The following PSG2 variants were observed in gnomAD, a reference collection of about 807,000 sequenced individuals.
PSG2 encodes pregnancy specific beta-1-glycoprotein 2, also known as pregnancy-specific beta-1-glycoprotein 2.
In PSG2, 49 loss-of-function variants were observed where a neutral mutation model predicts 36.2. The observed-to-expected ratio is 1.35, with a 90% CI of 1.08 to 1.72. The LOEUF (loss-of-function observed/expected upper bound fraction) is 1.72, where lower values mean the gene tolerates loss of function less well. Among genes scored for constraint, PSG2 ranks in the 40% most tolerant of loss-of-function variants. The pLI is 0.00. For missense variants in PSG2, 605 were observed against 407.2 expected (o/e 1.49, Z -4.18); for synonymous variants, 261 against 155.6 (o/e 1.68, Z -5.04).
In PSG2 at chr19:43,072,475, T is replaced by C. The variant is rs533467347; in HGVS notation, c.710-521A>G. ...GAATGAGGATCCTGTTTTCAATGGG[T>C]CGCTTTACCCTGGGACTGACCGGGA... is the stretch of plus-strand genomic sequence containing the variant. On this transcript the variant is annotated intron_variant, in intron 3 of 5. Coordinates refer to ENST00000406487, the MANE Select transcript of PSG2 (RefSeq NM_031246.4). The C allele has an allele frequency of 8.3e-5, 134 of 1,611,428 alleles. 2 individuals carry two copies. In the East Asian group the frequency reaches 2.7e-3, roughly 33 times the overall value.
At chr19:43,065,950 G>A (rs1967733634) in intron 5 of PSG2, 2 of 153,884 alleles carry the variant, frequency 1.3e-5, no homozygotes, top group African/African-American at 4.9e-5. Context: ...GAAGGGGCAG[G>A]GATGTGTAGG....
intron 4 of PSG2, among the ~76,000 whole-genome samples, chr19:43,068,986 T>G (rs1021341929): frequency 6.6e-5 from 10 of 151,720 alleles, no homozygotes; most frequent in Admixed American, 4.6e-4. Context: ...AACAAACCTA[T>G]TAGAATTAAT....
intron 3 of PSG2, 90 bp from the exon 4 acceptor site, chr19:43,072,044 A>G: frequency 6.6e-7 from 1 of 1,515,040 alleles, no homozygotes; most frequent in East Asian, 2.3e-5. Flanking sequence ...ACCCTCTGAG[A>G]CAAGACACAT....
At position 43,080,265 on chromosome 19, in the gene PSG2, G is replaced by A. The variant is rs927291969; in HGVS notation, c.430+616C>T. Among the ~76,000 whole-genome samples, 8 of 151,774 alleles carry A rather than the reference G, an allele frequency of 5.3e-5. 1 individual carries two copies. The highest frequency in any genetic ancestry group is 1.9e-4 in the African/African-American group (8 of 41,194). Reference sequence around the variant, plus strand: ...GATGGTCTTCAAAGATTGTCTTTCTGTCCTCTCCACTCTGCCTCTCCTGTT... The same window carrying A: ...GATGGTCTTCAAAGATTGTCTTTCTATCCTCTCCACTCTGCCTCTCCTGTT... On this transcript the variant is annotated intron_variant, in intron 2 of 5. Transcript: ENST00000406487.
At chr19:43,081,495 G>C (rs921439413) in intron 1 of PSG2, among the ~76,000 whole-genome samples, 3 of 151,296 alleles carry the variant, frequency 2.0e-5, no homozygotes, top group Admixed American at 6.6e-5. Flanking sequence ...TTCACCACTT[G>C]TGACCTTGGC....
rs756529029 is a variant in PSG2 at position 43,080,976 on chromosome 19, A to T, written c.335T>A (p.Val112Asp). The T allele has an allele frequency of 1.2e-6, 2 of 1,613,052 alleles. No individual in the cohort carries two copies. Among genetic ancestry groups the T allele is most frequent in the Admixed American group, 3.3e-5 (2 of 59,954 alleles). Reference sequence around the variant, plus strand: ...GTAGGATCCTGCGTCCTCCCGGGTGACATTCTGGATCAGCAGGGATGCATT... The same window carrying T: ...GTAGGATCCTGCGTCCTCCCGGGTGTCATTCTGGATCAGCAGGGATGCATT... ...YSNASLLIQN[V>D]TREDAGSYTL... Residue 112 changes from valine to aspartate, a missense_variant, in exon 2 of 6, where the codon GTC becomes GAC. By Grantham distance (152) the Val-to-Asp change is radical. Transcript: ENST00000406487.
At chr19:43,076,789 A>G (rs1176700663) in intron 2 of PSG2, among the ~76,000 whole-genome samples, 2 of 150,898 alleles carry the variant, frequency 1.3e-5, no homozygotes, top group Admixed American at 1.3e-4. Context: ...AGTGCTCCTT[A>G]TGCAGAAAGC....
chr19:43,069,823 T>TA (rs1967791313), intron 4 of PSG2, among the ~76,000 whole-genome samples: 1 of 151,618 alleles, frequency 6.6e-6, no homozygotes, highest in South Asian at 2.1e-4. Context: ...AGGCAACAAA[T>TA]AAAACGGATA....
intron 3 of PSG2, chr19:43,072,207 T>C (rs1418169440): frequency 4.2e-6 from 6 of 1,432,958 alleles, no homozygotes; most frequent in Non-Finnish European, 5.6e-6. Flanking sequence ...CCTACCCAGG[T>C]TTTCCCAGGG....
intron 2 of PSG2, among the ~76,000 whole-genome samples, chr19:43,080,154 C>T (rs1967951264): frequency 6.6e-6 from 1 of 151,798 alleles, no homozygotes; most frequent in African/African-American, 2.4e-5. Context: ...CAAGCTGCTA[C>T]CAGGTACATC....
Position 43,081,016 on chromosome 19 carries a change from C to G in PSG2, c.295G>C (p.Glu99Gln), listed in dbSNP as rs762980823. ...IIYGPAYSGR[E>Q]TAYSNASLLI... is the part of the protein sequence containing the mutation. ...AGGGATGCATTGGAATATGCTGTTT[C>G]TCGTCCACTATATGCAGGCCCATAT... is the stretch of plus-strand genomic sequence containing the variant. The change falls in exon 2 of 6, where the codon GAA (glutamate) becomes CAA (glutamine). Residue 99 changes from glutamate (E) to glutamine (Q), a missense_variant. By Grantham distance (29) the Glu-to-Gln change is conservative (BLOSUM62 2). Coordinates refer to ENST00000406487, the MANE Select transcript of PSG2 (RefSeq NM_031246.4). The G allele has an allele frequency of 1.9e-6, 3 of 1,613,090 alleles. No individual in the cohort carries two copies. The Admixed American group carries it at 5.0e-5, about 27-fold the overall frequency.
intron 5 of PSG2, among the ~76,000 whole-genome samples, chr19:43,066,102 C>T (rs1387653396): frequency 3.3e-5 from 5 of 151,500 alleles, no homozygotes; most frequent in Non-Finnish European, 7.4e-5. Context: ...ATCAATTAAC[C>T]AGATTTTAGA....
intron 3 of PSG2, 102 bp from the exon 4 acceptor site, chr19:43,072,056 C>G (rs1417847363): frequency 1.0e-5 from 15 of 1,487,502 alleles, no homozygotes; most frequent in Non-Finnish European, 1.2e-5. Flanking sequence ...AAGACACATC[C>G]TCAAGTCCCA....
intron 2 of PSG2, among the ~76,000 whole-genome samples, chr19:43,077,356 ATG>A (rs1967911798): frequency 6.6e-6 from 1 of 151,766 alleles, no homozygotes; most frequent in Non-Finnish European, 1.5e-5. Context: ...AAAAGAAGTG[ATG>A]TGTGTTATGT....
intron 4 of PSG2, among the ~76,000 whole-genome samples, chr19:43,071,385 T>C (rs1296019167): frequency 6.6e-6 from 1 of 151,572 alleles, no homozygotes; most frequent in Non-Finnish European, 1.5e-5. Context: ...GTTAGTGACA[T>C]CCAGAAGCAA....
rs144569014 is a variant in PSG2 at position 43,070,444 on chromosome 19, C to G, written c.964+1256G>C. 6.6e-5 allele frequency among the ~76,000 whole-genome samples: 10 copies of G among 151,510 alleles called. No individual in the cohort carries two copies. In the East Asian group the frequency reaches 1.9e-3, roughly 29 times the overall value. ...ACACTAGCGAAAAAATGGAAACAACCAAAAAGTCCATTGAAAGATAAGTGG... is the reference window on the plus strand; with the variant it reads ...ACACTAGCGAAAAAATGGAAACAACGAAAAAGTCCATTGAAAGATAAGTGG... On this transcript the variant is annotated intron_variant, in intron 4 of 5. Transcript: ENST00000406487.
chr19:43,074,247 C>G (rs1967860099), intron 3 of PSG2, among the ~76,000 whole-genome samples: 1 of 151,434 alleles, frequency 6.6e-6, no homozygotes. Flanking sequence ...TACTGTGATT[C>G]TGGGAGGGGT....
intron 2 of PSG2, among the ~76,000 whole-genome samples, chr19:43,080,142 G>T (rs1431454585): frequency 6.6e-6 from 1 of 151,794 alleles, no homozygotes; most frequent in Non-Finnish European, 1.5e-5. Context: ...GATCCCTGTG[G>T]ACAAGCTGCT....
Position 43,064,396 on chromosome 19 carries a change from C to T in PSG2, c.*246G>A. 3.2e-6 allele frequency: 1 copy of T among 308,218 alleles called. No individual in the cohort carries two copies. The allele number at this position is 308,218 out of a possible 1,614,324, so 19.1% of individuals were successfully genotyped here. A position where few individuals can be genotyped will look rare whatever the true frequency, so the allele number is the denominator to read the frequency against. Reference sequence around the variant, plus strand: ...GAATGAAACATTCCAAGAATCAGCACATTTTCAAATAGAAAATTATGAAAT... The same window carrying T: ...GAATGAAACATTCCAAGAATCAGCATATTTTCAAATAGAAAATTATGAAAT... On this transcript the variant is annotated 3_prime_UTR_variant, in exon 6 of 6. Transcript: ENST00000406487.
Sources: allele counts gnomAD v4.1 joint callset (sites outside exome capture counted in the v4.1 genomes callset), GRCh38; gene constraint gnomAD v4.1.1; transcripts MANE v1.5; gene names NCBI Gene and HGNC (gene_info 2026-07-23, HGNC 2026-07-21).